The following ARB2A variants were observed in gnomAD, a reference collection of about 807,000 sequenced individuals.
The protein encoded by ARB2A is cotranscriptional regulator ARB2A.
chr5:93,911,861 C>A, the ARB2A span, among the ~76,000 whole-genome samples: 1 of 151,654 alleles, frequency 6.6e-6, no homozygotes, highest in African/African-American at 2.4e-5. Flanking sequence ...TTCCTATCAG[C>A]TGTATTCTTA....
the ARB2A span, chr5:94,074,784 A>G: frequency 1.9e-6 from 3 of 1,547,952 alleles, no homozygotes; most frequent in East Asian, 2.2e-5. Flanking sequence ...AATGAATGAA[A>G]GCAATAAATT....
the ARB2A span, among the ~76,000 whole-genome samples, chr5:94,048,213 C>T: frequency 2.0e-5 from 3 of 151,996 alleles, no homozygotes; most frequent in Non-Finnish European, 4.4e-5. Flanking sequence ...CAACACCACA[C>T]CTGGCTAATT....
chr5:94,008,824 T>C, the ARB2A span, among the ~76,000 whole-genome samples: 2 of 152,152 alleles, frequency 1.3e-5, no homozygotes, highest in Non-Finnish European at 2.9e-5. Context: ...ATATGATCTA[T>C]GTATAAAGGT....
At chr5:93,620,981 C>T in the ARB2A span, 1 of 1,602,814 alleles carries the variant, frequency 6.2e-7, no homozygotes. Flanking sequence ...GTCGCGCTCG[C>T]TCCTCTTACA....
chr5:94,050,036 C>A, the ARB2A span, among the ~76,000 whole-genome samples: 1 of 151,766 alleles, frequency 6.6e-6, no homozygotes, highest in Admixed American at 6.6e-5. Context: ...ACTTCCTGGG[C>A]TCAAGTGATC....
the ARB2A span, chr5:93,738,242 C>A: frequency 6.4e-6 from 1 of 155,804 alleles, no homozygotes; most frequent in Non-Finnish European, 1.4e-5. Context: ...ATCAAAACCA[C>A]AATGAGACAC....
At chr5:94,042,514 C>T in the ARB2A span, among the ~76,000 whole-genome samples, 1 of 151,908 alleles carries the variant, frequency 6.6e-6, no homozygotes, top group South Asian at 2.1e-4. Context: ...ACCGTGTTAG[C>T]CAGGATGGTC....
At chr5:94,021,970 C>G in the ARB2A span, among the ~76,000 whole-genome samples, 2 of 152,112 alleles carry the variant, frequency 1.3e-5, no homozygotes, top group Non-Finnish European at 2.9e-5. Flanking sequence ...ACTAGGGAGG[C>G]TGAGGCAGGA....
chr5:94,032,965 G>T, the ARB2A span, among the ~76,000 whole-genome samples: 3 of 152,114 alleles, frequency 2.0e-5, no homozygotes, highest in African/African-American at 7.2e-5. Flanking sequence ...CTGTATCATG[G>T]GGGTGGTTCC....
At chr5:93,930,656 T>C in the ARB2A span, among the ~76,000 whole-genome samples, 1 of 152,182 alleles carries the variant, frequency 6.6e-6, no homozygotes, top group Non-Finnish European at 1.5e-5. Context: ...AATGCAAGCC[T>C]TTCAATTGAA....
chr5:93,758,796 A>G, the ARB2A span, among the ~76,000 whole-genome samples: 1 of 152,172 alleles, frequency 6.6e-6, no homozygotes, highest in Non-Finnish European at 1.5e-5. Context: ...AAAAACACTG[A>G]AAGAGTAAAA....
chr5:93,901,826 C>T, the ARB2A span, among the ~76,000 whole-genome samples: 1 of 152,002 alleles, frequency 6.6e-6, no homozygotes, highest in Non-Finnish European at 1.5e-5. Context: ...GTATACATGC[C>T]TAATAGTTCC....
chr5:94,060,716 C>G, the ARB2A span, among the ~76,000 whole-genome samples: 2 of 152,062 alleles, frequency 1.3e-5, no homozygotes, highest in African/African-American at 4.8e-5. Context: ...AAAAAAAGAA[C>G]ACCCCAGTTC....
the ARB2A span, among the ~76,000 whole-genome samples, chr5:94,080,959 G>A: frequency 1.3e-5 from 2 of 152,024 alleles, no homozygotes; most frequent in East Asian, 3.9e-4. Context: ...GATGTTAAGA[G>A]ACCAGATGTA....
the ARB2A span, among the ~76,000 whole-genome samples, chr5:93,788,078 T>C: frequency 1.3e-5 from 2 of 152,188 alleles, no homozygotes; most frequent in African/African-American, 4.8e-5. Flanking sequence ...CTATGTGGCA[T>C]GCTCCTAGTC....
chr5:93,704,145 T>A, the ARB2A span, among the ~76,000 whole-genome samples: 1 of 152,176 alleles, frequency 6.6e-6, no homozygotes, highest in Admixed American at 6.5e-5. Context: ...CAACAAAATA[T>A]TAAAGATAAT....
At chr5:93,946,038 T>C in the ARB2A span, among the ~76,000 whole-genome samples, 1 of 152,182 alleles carries the variant, frequency 6.6e-6, no homozygotes, top group Non-Finnish European at 1.5e-5. Context: ...TCTATGTCTT[T>C]TGAATCTTTA....
chr5:93,782,334 G>A, the ARB2A span, among the ~76,000 whole-genome samples: 1 of 152,074 alleles, frequency 6.6e-6, no homozygotes, highest in East Asian at 1.9e-4. Context: ...GATGAAATAG[G>A]AATTATTGTC....
chr5:93,736,865 C>CT, the ARB2A span: 2 of 152,136 alleles, frequency 1.3e-5, no homozygotes. Flanking sequence ...GGTGAAAAGA[C>CT]TAAAAGTTTT....
Sources: gnomAD v4.1 joint callset for allele counts (sites outside exome capture counted in the v4.1 genomes callset) on GRCh38, gnomAD v4.1.1 for gene constraint, MANE v1.5 for transcripts, NCBI Gene and HGNC (gene_info 2026-07-23, HGNC 2026-07-21) for gene names.